RNF175: variants seen among roughly 807,000 people sequenced by gnomAD.
The protein encoded by RNF175 is ring finger protein 175.
In RNF175, 38 loss-of-function variants were observed where a neutral mutation model predicts 50.0. The observed-to-expected ratio is 0.76, with a 90% CI of 0.59 to 1.00. The LOEUF (loss-of-function observed/expected upper bound fraction) is 1.00. RNF175 is among the 50% of genes least tolerant of loss of function. The pLI, the probability that RNF175 is intolerant of heterozygous loss-of-function variation, is 0.00. For missense variants in RNF175, 388 were observed against 409.6 expected, an observed-to-expected ratio of 0.95 and a Z score of 0.46; for synonymous variants, 155 against 146.1, an observed-to-expected ratio of 1.06 and a Z score of -0.44.
intron 7 of RNF175, chr4:153,713,264 CT>C (rs1737710870): frequency 6.6e-6 from 1 of 152,232 alleles, no homozygotes; most frequent in African/African-American, 2.4e-5. Flanking sequence ...GCACCAGGGA[CT>C]TACTCTAGTG....
chr4:153,720,303 T>C lies in RNF175; in HGVS notation c.511A>G (p.Ile171Val), dbSNP rs1215049290. 6.2e-7 allele frequency: 1 copy of C among 1,612,830 alleles called. No individual in the cohort carries two copies. The highest frequency in any genetic ancestry group is 2.2e-5 in the East Asian group (1 of 44,878). ...TMCGFNLFFKIKARDSMDFGI... is the reference protein window; with the variant it reads ...TMCGFNLFFKVKARDSMDFGI... ...AAATCCATGGAATCTCTAGCTTTGA[T>C]TCTATTGAAAACAACAGTATAAGGA... The change falls in exon 6 of 9, where the codon ATC becomes GTC. Residue 171 changes from isoleucine (I) to valine (V), a missense_variant and splice_region_variant. Coordinates refer to ENST00000347063, the MANE Select transcript of RNF175 (RefSeq NM_173662.4).
At position 153,728,828 on chromosome 4, in the gene RNF175, C is replaced by T. The variant is rs912414122; in HGVS notation, c.247-467G>A. Among the ~76,000 whole-genome samples, 9 of 152,280 alleles carry T rather than the reference C, an allele frequency of 5.9e-5. No homozygotes were observed. In the South Asian group the frequency reaches 1.9e-3, roughly 32 times the overall value. ...GCTTTGTTACTGTCATGTATCCATA[C>T]GAAAGTGACAGCAATGTCAAAGGAG... On this transcript the variant is annotated intron_variant, in intron 3 of 8. Coordinates refer to ENST00000347063, the MANE Select transcript of RNF175 (RefSeq NM_173662.4).
At chr4:153,722,674 T>A (rs992900442) in intron 5 of RNF175, among the ~76,000 whole-genome samples, 7 of 152,084 alleles carry the variant, frequency 4.6e-5, no homozygotes, top group African/African-American at 1.7e-4. Flanking sequence ...ATTTCATGAC[T>A]ATCAGAAACC....
At chr4:153,724,759 C>T (rs149992863) in intron 4 of RNF175, among the ~76,000 whole-genome samples, 1 of 152,182 alleles carries the variant, frequency 6.6e-6, no homozygotes, top group African/African-American at 2.4e-5. Context: ...GGGTTGTGGG[C>T]TAGCTCCTGA....
At chr4:153,735,333 CTG>C (rs1361798567) in intron 3 of RNF175, among the ~76,000 whole-genome samples, 2 of 151,588 alleles carry the variant, frequency 1.3e-5, no homozygotes, top group Non-Finnish European at 2.9e-5. Flanking sequence ...GGATCAGTGA[CTG>C]TATTTGTTTG....
At chr4:153,725,952 G>C (rs1176661535) in intron 4 of RNF175, among the ~76,000 whole-genome samples, 2 of 152,172 alleles carry the variant, frequency 1.3e-5, no homozygotes, top group Non-Finnish European at 2.9e-5. Context: ...GACTTACACT[G>C]TAAGGCAGAT....
Position 153,739,471 on chromosome 4 carries a change from T to C in RNF175, c.246+9174A>G, listed in dbSNP as rs1426951522. Reference sequence around the variant, plus strand: ...AAAGTTTTATTTTATCTCTATTTATTCTTTCTCTGACATTCTTTCTTTCTT... The same window carrying C: ...AAAGTTTTATTTTATCTCTATTTATCCTTTCTCTGACATTCTTTCTTTCTT... On this transcript the variant is annotated intron_variant, in intron 3 of 8. Coordinates refer to ENST00000347063, the MANE Select transcript of RNF175 (RefSeq NM_173662.4). Among the ~76,000 whole-genome samples, 4 of 152,208 alleles carry C rather than the reference T, an allele frequency of 2.6e-5. 1 individual carries two copies. The highest frequency in any genetic ancestry group is 5.9e-5 in the Non-Finnish European group (4 of 68,030).
At chr4:153,748,833 G>T (rs540199894) in intron 2 of RNF175, 47 bp from the exon 3 acceptor site, 5 of 1,491,106 alleles carry the variant, frequency 3.4e-6, no homozygotes, top group East Asian at 4.7e-5. Flanking sequence ...TCAACCTTGC[G>T]CATTTAGCAA....
At chr4:153,730,202 T>C (rs4696486) in intron 3 of RNF175, among the ~76,000 whole-genome samples, 43,269 of 151,950 alleles carry the variant, frequency 0.28, 6,959 homozygotes, top group East Asian at 0.81. Context: ...CCCAGCAGTT[T>C]GGGAGGCGGG....
At chr4:153,747,870 G>T (rs1232875724) in intron 3 of RNF175, among the ~76,000 whole-genome samples, 2 of 152,204 alleles carry the variant, frequency 1.3e-5, no homozygotes, top group Non-Finnish European at 2.9e-5. Flanking sequence ...CACAGACTGG[G>T]TAATAAATAA....
chr4:153,739,342 A>G (rs1739525056), intron 3 of RNF175, among the ~76,000 whole-genome samples: 2 of 151,872 alleles, frequency 1.3e-5, no homozygotes, highest in African/African-American at 4.8e-5. Flanking sequence ...AATTGCTTGA[A>G]CCCAGGAGGC....
intron 8 of RNF175, among the ~76,000 whole-genome samples, chr4:153,710,858 T>C (rs554828170): frequency 6.6e-6 from 1 of 152,218 alleles, no homozygotes; most frequent in African/African-American, 2.4e-5. Flanking sequence ...CCTGTAGTCA[T>C]ACATTAGAAT....
intron 3 of RNF175, among the ~76,000 whole-genome samples, chr4:153,743,187 T>C (rs1235816166): frequency 6.6e-6 from 1 of 152,210 alleles, no homozygotes; most frequent in East Asian, 1.9e-4. Context: ...CTAGTGGTAC[T>C]CTAGGAACAA....
chr4:153,754,072 C>T (rs111813479), intron 1 of RNF175, among the ~76,000 whole-genome samples: 4,152 of 150,672 alleles, frequency 0.028, 218 homozygotes, highest in African/African-American at 0.095. Flanking sequence ...CAGGAGGATG[C>T]GGTAGGAGAA....
chr4:153,715,478 G>A (rs1737847238), intron 7 of RNF175, 51 bp downstream of exon 7: 1 of 1,536,244 alleles, frequency 6.5e-7, no homozygotes, highest in Middle Eastern at 1.7e-4. Flanking sequence ...AGGAGAAGGA[G>A]GAAAGAAGGA....
intron 8 of RNF175, 124 bp from the exon 9 acceptor site, chr4:153,710,613 G>A: frequency 1.1e-6 from 1 of 941,984 alleles, no homozygotes; most frequent in Non-Finnish European, 1.6e-6. Flanking sequence ...AATTCTATGT[G>A]CTCAATTAAA....
intron 4 of RNF175, chr4:153,727,587 G>A (rs973431025): frequency 6.6e-6 from 1 of 152,130 alleles, no homozygotes; most frequent in Non-Finnish European, 1.5e-5. Context: ...TCTCATTCCA[G>A]TTTTATCATG....
chr4:153,724,549 A>G (rs1738555425), intron 4 of RNF175, among the ~76,000 whole-genome samples: 1 of 152,040 alleles, frequency 6.6e-6, no homozygotes, highest in African/African-American at 2.4e-5. Flanking sequence ...CCAGATGTTT[A>G]GCCCCACCCT....
intron 1 of RNF175, among the ~76,000 whole-genome samples, chr4:153,756,820 T>C (rs1235963845): frequency 6.6e-6 from 1 of 152,180 alleles, no homozygotes; most frequent in East Asian, 1.9e-4. Context: ...GATAAAGAAT[T>C]ACCAGCAGAG....
Sources: gnomAD v4.1 joint callset for allele counts (sites outside exome capture counted in the v4.1 genomes callset) on GRCh38, gnomAD v4.1.1 for gene constraint, MANE v1.5 for transcripts, NCBI Gene and HGNC (gene_info 2026-07-23, HGNC 2026-07-21) for gene names.